UNC13A: variants seen among roughly 807,000 people sequenced by gnomAD.
UNC13A encodes unc-13 homolog A.
UNC13A carries 61 observed loss-of-function variants against 219.7 expected under a neutral mutation model. The ratio of observed to expected loss-of-function variants is 0.28; its 90% CI spans 0.23 to 0.34. The LOEUF is 0.34. UNC13A is among the 10% of genes least tolerant of loss of function. The pLI is 1.00. For missense variants in UNC13A, 1,476 were observed against 2,270.3 expected, an observed-to-expected ratio of 0.65 and a Z score of 7.11; for synonymous variants, 920 against 884.6, an observed-to-expected ratio of 1.04 and a Z score of -0.71.
intron 8 of UNC13A, 132 bp from the exon 9 acceptor site, chr19:17,658,401 G>A (rs1310784240): frequency 1.2e-6 from 1 of 847,924 alleles, no homozygotes; most frequent in Non-Finnish European, 1.9e-6. Flanking sequence ...ATAAAGAATT[G>A]TGGGTCATGT....
Position 17,601,650 on chromosome 19 carries a change from G to C in UNC13A, c.*4404C>G, listed in dbSNP as rs1295849600. 1 of 152,270 alleles carries C rather than the reference G, an allele frequency of 6.6e-6. No individual in the cohort carries two copies. Among genetic ancestry groups the C allele is most frequent in the Non-Finnish European group, 1.5e-5 (1 of 68,056 alleles). The allele number at this position is 152,270 out of a possible 1,614,324, so 9.4% of individuals were successfully genotyped here. Reference sequence around the variant, plus strand: ...GGCCGGTTTGTGGGGGTCTGAGGGAGCACGAGACAGGGGTGGACAGGGGTC... The same window carrying C: ...GGCCGGTTTGTGGGGGTCTGAGGGACCACGAGACAGGGGTGGACAGGGGTC... On this transcript the variant is annotated 3_prime_UTR_variant, in exon 44 of 44. Coordinates refer to ENST00000519716, the MANE Select transcript of UNC13A (RefSeq NM_001080421.3).
chr19:17,615,209 C>T (rs1178589964), intron 41 of UNC13A, among the ~76,000 whole-genome samples: 6 of 152,208 alleles, frequency 3.9e-5, no homozygotes, highest in Non-Finnish European at 8.8e-5. Flanking sequence ...GAAGGCTAGG[C>T]ATGGAGGCTC....
At chr19:17,621,908 G>A in intron 36 of UNC13A, 38 bp from the exon 37 acceptor site, 1 of 1,611,434 alleles carries the variant, frequency 6.2e-7, no homozygotes, top group Non-Finnish European at 8.5e-7. Flanking sequence ...AACCTGGCAA[G>A]TCGTGCAGGG....
chr19:17,624,809 G>C lies in UNC13A; in HGVS notation c.4197+20C>G, dbSNP rs763222174. ...AGGGAGGTGGCCTAAATGTCCCCTC[G>C]GGCCCCCTGCAGGTCTCACCGTCTG... On this transcript the variant is annotated intron_variant, in intron 35 of 43. Coordinates refer to ENST00000519716, the MANE Select transcript of UNC13A (RefSeq NM_001080421.3). 5 of 1,604,416 alleles carry C rather than the reference G, an allele frequency of 3.1e-6. No individual in the cohort carries two copies. The highest frequency in any genetic ancestry group is 4.3e-6 in the Non-Finnish European group (5 of 1,174,474).
At position 17,606,139 on chromosome 19, in the gene UNC13A, C is replaced by G. The variant is rs1214412745; in HGVS notation, c.5027G>C (p.Ser1676Thr). 6.3e-7 allele frequency: 1 copy of G among 1,591,868 alleles called. No homozygotes were observed. Residue 1676 changes from serine to threonine, a missense_variant, in exon 44 of 44, where the codon AGC (serine) becomes ACC (threonine). Coordinates refer to ENST00000519716, the MANE Select transcript of UNC13A (RefSeq NM_001080421.3). ...GAACTCCTTGGCCACCTCGTCGTTG[C>G]TGCGCTGCGAGAGGATTCGCAGCAC... ...LTVLRILSQR[S>T]NDEVAKEFVK...
chr19:17,618,801 T>C, intron 39 of UNC13A, 105 bp downstream of exon 39: 1 of 1,082,860 alleles, frequency 9.2e-7, no homozygotes. Context: ...GAGCCTGTAA[T>C]GCATGTCATC....
intron 3 of UNC13A, among the ~76,000 whole-genome samples, chr19:17,673,641 C>T (rs1477670682): frequency 1.3e-5 from 2 of 151,554 alleles, no homozygotes; most frequent in African/African-American, 2.4e-5. Context: ...TGCAGTGAGC[C>T]GAGATTGCAC....
rs1304618304 is a variant in UNC13A at position 17,605,239 on chromosome 19, G to C, written c.*815C>G. 6.5e-6 allele frequency: 1 copy of C among 152,844 alleles called. No homozygotes were observed. 9.5% of individuals were successfully genotyped at this position (152,844 alleles called of 1,614,324 possible). A position where few individuals can be genotyped will look rare whatever the true frequency, so the allele number is the denominator to read the frequency against. On this transcript the variant is annotated 3_prime_UTR_variant, in exon 44 of 44. Transcript: ENST00000519716. ...ACAGGCCTAAGGGAGGGGCACAGAGGGTATGGCACCTGGAACCTTGGCCAA... is the reference window on the plus strand; with the variant it reads ...ACAGGCCTAAGGGAGGGGCACAGAGCGTATGGCACCTGGAACCTTGGCCAA...
intron 42 of UNC13A, 83 bp downstream of exon 42, chr19:17,611,679 CA>C: frequency 1.9e-5 from 24 of 1,281,838 alleles, no homozygotes; most frequent in East Asian, 4.7e-5. Flanking sequence ...ACAACAACAA[CA>C]AAAAAAGGGT....
At chr19:17,651,750 C>A (rs868835926) in intron 12 of UNC13A, among the ~76,000 whole-genome samples, 1 of 152,166 alleles carries the variant, frequency 6.6e-6, no homozygotes, top group Non-Finnish European at 1.5e-5. Flanking sequence ...TCAGGACCCG[C>A]ATCCAAGGCT....
intron 16 of UNC13A, 81 bp downstream of exon 16, chr19:17,648,350 G>C: frequency 1.9e-6 from 1 of 513,326 alleles, no homozygotes; most frequent in Non-Finnish European, 2.6e-6. Context: ...CCATCGCCTT[G>C]CCCTTCAGCC....
chr19:17,611,237 G>A (rs903853012), intron 42 of UNC13A, among the ~76,000 whole-genome samples: 1 of 152,190 alleles, frequency 6.6e-6, no homozygotes, highest in Non-Finnish European at 1.5e-5. Flanking sequence ...AGGCTGGAGT[G>A]CAGTGGCGCA....
chr19:17,633,255 T>C, intron 26 of UNC13A, 62 bp from the exon 27 acceptor site: 1 of 1,481,160 alleles, frequency 6.8e-7, no homozygotes, highest in South Asian at 1.2e-5. Context: ...TGGGCTGCTT[T>C]GTCCTTCCCT....
intron 4 of UNC13A, among the ~76,000 whole-genome samples, chr19:17,670,148 G>A (rs551564980): frequency 7.9e-5 from 12 of 151,146 alleles, no homozygotes; most frequent in Middle Eastern, 6.8e-3. Flanking sequence ...GGGTTTCACC[G>A]TGTTAGCCAG....
chr19:17,617,594 G>A (rs1599833037), intron 41 of UNC13A, 108 bp downstream of exon 41: 6 of 1,482,156 alleles, frequency 4.0e-6, no homozygotes, highest in East Asian at 4.6e-5. Flanking sequence ...TGTCAATTCC[G>A]CCCCATCCAT....
At chr19:17,635,096 G>T (rs571942269) in intron 26 of UNC13A, among the ~76,000 whole-genome samples, 1 of 152,088 alleles carries the variant, frequency 6.6e-6, no homozygotes, top group South Asian at 2.1e-4. Context: ...GTCTCCATCT[G>T]ACCTCATGAT....
rs1333240306 is a variant in UNC13A at position 17,656,341 on chromosome 19, C to A, written c.825G>T (p.Gln275His). 6 of 1,558,728 alleles carry A rather than the reference C, an allele frequency of 3.8e-6. No homozygotes were observed. The highest frequency in any genetic ancestry group is 5.2e-6 in the Non-Finnish European group (6 of 1,152,166). Residue 275 changes from glutamine (Q) to histidine (H), a missense_variant, in exon 10 of 44, where the codon CAG (glutamine) becomes CAT (histidine). Transcript: ENST00000519716. ...SSGELSQGSS[Q>H]LSEDFDPDEH... is the part of the protein sequence containing the mutation. ...CGTCAGGGTCGAAGTCCTCGCTCAG[C>A]TGAGAGCTTCCCTGGCTCAGCTCCC...
At chr19:17,673,294 T>A (rs931388957) in intron 3 of UNC13A, among the ~76,000 whole-genome samples, 7 of 147,048 alleles carry the variant, frequency 4.8e-5, no homozygotes, top group Non-Finnish European at 9.0e-5. Context: ...GAGGCGGAGG[T>A]TGCGGTGAGC....
intron 42 of UNC13A, among the ~76,000 whole-genome samples, chr19:17,610,872 A>G (rs931222880): frequency 7.2e-5 from 11 of 152,144 alleles, no homozygotes; most frequent in African/African-American, 2.7e-4. Flanking sequence ...CTACAAAAAT[A>G]TAATTTAAAA....
Sources: allele counts gnomAD v4.1 joint callset (sites outside exome capture counted in the v4.1 genomes callset), GRCh38; gene constraint gnomAD v4.1.1; transcripts MANE v1.5; gene names NCBI Gene and HGNC (gene_info 2026-07-23, HGNC 2026-07-21).